Variants in CDKL4 observed in about 807,000 individuals in gnomAD.
CDKL4 encodes the protein cyclin dependent kinase like 4.
CDKL4 carries 44 observed loss-of-function variants against 42.0 expected under a neutral mutation model. The observed-to-expected ratio is 1.05, with a 90% CI of 0.82 to 1.35. The LOEUF is 1.35. Ranked by LOEUF, CDKL4 falls within the 40% of genes most tolerant of loss-of-function variation. The probability of loss-of-function intolerance (pLI) is 0.00; values close to 1 mark genes in which losing one functional copy is unlikely to be tolerated. For synonymous variants in CDKL4, 120 were observed against 121.6 expected, an observed-to-expected ratio of 0.99 and a Z score of 0.09; for missense variants, 393 against 369.9, an observed-to-expected ratio of 1.06 and a Z score of -0.51.
chr2:39,233,665 G>T (rs1328292210), intron 1 of CDKL4, among the ~76,000 whole-genome samples: 18 of 151,612 alleles, frequency 1.2e-4, no homozygotes, highest in Admixed American at 1.2e-3. Context: ...CCCCATACAT[G>T]CTATTATTGT....
intron 2 of CDKL4, among the ~76,000 whole-genome samples, chr2:39,228,169 G>A (rs993909020): frequency 1.3e-5 from 2 of 152,190 alleles, no homozygotes; most frequent in African/African-American, 2.4e-5. Context: ...GGACGGAGAG[G>A]CTGACAGGTA....
chr2:39,219,313 A>G (rs74896904), intron 3 of CDKL4, among the ~76,000 whole-genome samples: 3,236 of 152,286 alleles, frequency 0.021, 106 homozygotes, highest in African/African-American at 0.074. Flanking sequence ...CTAGGATTGG[A>G]TATCTGATGT....
In CDKL4 at chr2:39,185,430, ATG is replaced by A. The variant is rs1267670399; in HGVS notation, c.736-785_736-784del. ...TGTATATATACATATATATATACAT[ATG>A]TATATATACATGTATATATACATAT... On this transcript the variant is annotated intron_variant, in intron 7 of 9. Transcript: ENST00000451199. Among the ~76,000 whole-genome samples the A allele has an allele frequency of 5.2e-3, 78 of 15,108 alleles. 8 individuals are homozygous for A. Among genetic ancestry groups the A allele is most frequent in the Admixed American group, 0.041 (66 of 1,614 alleles). 9.9% of individuals were successfully genotyped at this position (15,108 alleles called of 152,430 possible). A position where few individuals can be genotyped will look rare whatever the true frequency, so the allele number is the denominator to read the frequency against.
At chr2:39,178,546 T>C in intron 9 of CDKL4, 6 of 1,550,536 alleles carry the variant, frequency 3.9e-6, no homozygotes, top group Non-Finnish European at 5.2e-6. Context: ...TTCCATGGAG[T>C]TTACGATTTA....
At chr2:39,176,979 A>G (rs1181553833) in intron 9 of CDKL4, among the ~76,000 whole-genome samples, 1 of 151,988 alleles carries the variant, frequency 6.6e-6, no homozygotes, top group East Asian at 1.9e-4. Context: ...CTTGAAGGAG[A>G]GAGCTGTTTA....
chr2:39,168,605 C>T, the CDKL4 span, among the ~76,000 whole-genome samples: 2 of 151,134 alleles, frequency 1.3e-5, no homozygotes, highest in Non-Finnish European at 2.9e-5. Flanking sequence ...TGTGGTGGCT[C>T]ATATCTGTAA....
At chr2:39,232,918 G>A (rs1277612442) in intron 1 of CDKL4, among the ~76,000 whole-genome samples, 2 of 151,366 alleles carry the variant, frequency 1.3e-5, no homozygotes, top group Admixed American at 6.6e-5. Context: ...GGTGGCACGC[G>A]CCTGTAGTCC....
chr2:39,189,342 C>A (rs981536520), intron 6 of CDKL4, among the ~76,000 whole-genome samples: 10 of 152,220 alleles, frequency 6.6e-5, no homozygotes, highest in African/African-American at 2.4e-4. Context: ...CTATTCTGCA[C>A]TTACCTGGCT....
intron 5 of CDKL4, among the ~76,000 whole-genome samples, chr2:39,202,164 G>A (rs1214637330): frequency 6.6e-6 from 1 of 151,586 alleles, no homozygotes; most frequent in African/African-American, 2.4e-5. Context: ...CCCAGGAAGT[G>A]GAGTTTGCGG....
intron 5 of CDKL4, 146 bp from the exon 6 acceptor site, chr2:39,190,648 A>G (rs1392915515): frequency 2.9e-5 from 19 of 656,540 alleles, no homozygotes; most frequent in Non-Finnish European, 4.5e-5. Flanking sequence ...AATTGAGGAA[A>G]CAGTTACTGT....
At chr2:39,226,018 C>G (rs745711704) in intron 2 of CDKL4, 58 bp from the exon 3 acceptor site, 1 of 1,494,044 alleles carries the variant, frequency 6.7e-7, no homozygotes, top group African/African-American at 1.4e-5. Context: ...AGCTTCTACC[C>G]AGACCCCTTA....
At chr2:39,221,782 C>T (rs1054292290) in intron 3 of CDKL4, among the ~76,000 whole-genome samples, 2 of 152,174 alleles carry the variant, frequency 1.3e-5, no homozygotes, top group African/African-American at 4.8e-5. Context: ...CTCTGCATTC[C>T]GCCAGGGGTG....
intron 4 of CDKL4, 34 bp downstream of exon 4, chr2:39,213,366 G>T: frequency 7.6e-7 from 1 of 1,310,172 alleles, no homozygotes; most frequent in Non-Finnish European, 1.1e-6. Flanking sequence ...TCATCATGAA[G>T]AAATGAATAA....
intron 1 of CDKL4, among the ~76,000 whole-genome samples, chr2:39,230,180 G>T (rs1679014216): frequency 6.6e-6 from 1 of 152,200 alleles, no homozygotes. Context: ...GGGAGTTCAA[G>T]ACCAGCCTAA....
rs116341578 is a variant in CDKL4 at position 39,241,136 on chromosome 2, G to A, written c.-57+2735C>T. Among the ~76,000 whole-genome samples, 632 of 152,278 alleles carry A rather than the reference G, an allele frequency of 4.2e-3. 7 individuals are homozygous for A. The highest frequency in any genetic ancestry group is 0.014 in the African/African-American group (594 of 41,558). ...ATTTGATATCAGTTTCCTGATTTTG[G>A]TAATTTGTACTGTGATTATATAAGA... On this transcript the variant is annotated intron_variant, in intron 1 of 9. Coordinates refer to ENST00000451199, the Ensembl canonical transcript of CDKL4.
At chr2:39,223,091 A>G (rs1002184383) in intron 3 of CDKL4, among the ~76,000 whole-genome samples, 6 of 152,180 alleles carry the variant, frequency 3.9e-5, no homozygotes, top group African/African-American at 1.4e-4. Context: ...TCATCCCAGG[A>G]ACATTTCCCC....
chr2:39,205,540 C>A (rs1276832395), intron 4 of CDKL4, among the ~76,000 whole-genome samples: 3 of 151,856 alleles, frequency 2.0e-5, no homozygotes, highest in African/African-American at 7.3e-5. Flanking sequence ...GCGGGCAGAT[C>A]ACGCGGTCAG....
At position 39,241,422 on chromosome 2, in the gene CDKL4, T is replaced by A. The variant is rs951060718; in HGVS notation, c.-57+2449A>T. ...AGTGTGTTATCTCACTTTTCTTCTTTATATTTACTTTTATTACACCAAAGA... is the reference window on the plus strand; with the variant it reads ...AGTGTGTTATCTCACTTTTCTTCTTAATATTTACTTTTATTACACCAAAGA... On this transcript the variant is annotated intron_variant, in intron 1 of 9. Coordinates refer to ENST00000451199, the Ensembl canonical transcript of CDKL4. Among the ~76,000 whole-genome samples, 3 of 152,246 alleles carry A rather than the reference T, an allele frequency of 2.0e-5. 1 individual carries two copies. Among genetic ancestry groups the A allele is most frequent in the African/African-American group, 7.2e-5 (3 of 41,462 alleles).
At chr2:39,211,107 T>A (rs56698739) in intron 4 of CDKL4, among the ~76,000 whole-genome samples, 11,162 of 152,202 alleles carry the variant, frequency 0.073, 1,395 homozygotes, top group African/African-American at 0.25. Flanking sequence ...CTAGATATAT[T>A]TTTTTAAAAG....
Sources: allele counts gnomAD v4.1 joint callset (sites outside exome capture counted in the v4.1 genomes callset), GRCh38; gene constraint gnomAD v4.1.1; transcripts MANE v1.5; gene names NCBI Gene and HGNC (gene_info 2026-07-23, HGNC 2026-07-21).